Variants in UNC5D observed in about 807,000 individuals in gnomAD.
UNC5D encodes the protein netrin receptor UNC5D.
A neutral mutation model predicts 105.4 loss-of-function variants in UNC5D; 39 were observed. The ratio of observed to expected loss-of-function variants is 0.37; its 90% CI spans 0.29 to 0.48. The LOEUF (loss-of-function observed/expected upper bound fraction) is 0.48. UNC5D is among the 20% of genes least tolerant of loss of function. The probability of loss-of-function intolerance (pLI) is 0.98; values close to 1 mark genes in which losing one functional copy is unlikely to be tolerated. For synonymous variants in UNC5D, 452 were observed against 450.4 expected (o/e 1.00, Z -0.04); for missense variants, 991 against 1,202.4 (o/e 0.82, Z 2.60).
At chr8:35,579,987 G>A (rs1818367853) in intron 3 of UNC5D, among the ~76,000 whole-genome samples, 1 of 152,142 alleles carries the variant, frequency 6.6e-6, no homozygotes, top group African/African-American at 2.4e-5. Flanking sequence ...CAAATGTGAG[G>A]ATTCAGGAAC....
intron 1 of UNC5D, among the ~76,000 whole-genome samples, chr8:35,345,433 G>T (rs942711059): frequency 6.6e-6 from 1 of 152,008 alleles, no homozygotes; most frequent in East Asian, 1.9e-4. Flanking sequence ...GTCATATGGG[G>T]CATTTCTAGA....
At chr8:35,291,553 A>G (rs959257571) in intron 1 of UNC5D, among the ~76,000 whole-genome samples, 4 of 152,170 alleles carry the variant, frequency 2.6e-5, no homozygotes, top group Admixed American at 6.5e-5. Flanking sequence ...ACTGAGCTGG[A>G]AAACTGAAGA....
rs753926778 is a variant in UNC5D, at chr8:35,687,241, AG to A, written c.1084+533del. On this transcript the variant is annotated intron_variant, in intron 7 of 16. Transcript: ENST00000404895. ...GGCGGATCGCGAGGTCAGGAGATCG[AG>A]ACCATCCTGGCTAACAAGGTGAAAC... 8.5e-5 allele frequency among the ~76,000 whole-genome samples: 13 copies of A among 152,152 alleles called. No homozygotes were observed. In the East Asian group the frequency reaches 2.3e-3, roughly 27 times the overall value.
intron 11 of UNC5D, among the ~76,000 whole-genome samples, chr8:35,735,807 A>T (rs1238866879): frequency 6.6e-6 from 1 of 152,172 alleles, no homozygotes; most frequent in Non-Finnish European, 1.5e-5. Flanking sequence ...CAAAAACAAA[A>T]TCATACACAC....
At chr8:35,500,099 C>T (rs1047035422) in intron 1 of UNC5D, among the ~76,000 whole-genome samples, 1 of 152,132 alleles carries the variant, frequency 6.6e-6, no homozygotes, top group African/African-American at 2.4e-5. Context: ...TGACATTAAG[C>T]CATGTATTCT....
intron 16 of UNC5D, 39 bp from the exon 17 acceptor site, chr8:35,790,320 G>A: frequency 6.3e-7 from 1 of 1,585,990 alleles, no homozygotes; most frequent in Non-Finnish European, 8.7e-7. Context: ...TTATTTTCAT[G>A]TTTCGTTTTG....
At position 35,759,479 on chromosome 8, in the gene UNC5D, A is replaced by C. The variant is rs751218525; in HGVS notation, c.2313+10A>C. 3 of 1,606,264 alleles carry C rather than the reference A, an allele frequency of 1.9e-6. No individual in the cohort carries two copies. Among genetic ancestry groups the C allele is most frequent in the East Asian group, 4.5e-5 (2 of 44,796 alleles). On this transcript the variant is annotated intron_variant, in intron 14 of 16. Transcript: ENST00000404895. ...ATTCACTGCCTGCCAGGTACTGGCC[A>C]AATGGGTTTCTAACAGAAACGGCTT...
chr8:35,363,594 G>T (rs1585672056), intron 1 of UNC5D, among the ~76,000 whole-genome samples: 1 of 152,146 alleles, frequency 6.6e-6, no homozygotes, highest in East Asian at 1.9e-4. Flanking sequence ...TGATGTTGTG[G>T]CCTTCTCTGC....
chr8:35,434,949 G>A (rs1806908836), intron 1 of UNC5D, among the ~76,000 whole-genome samples: 1 of 152,036 alleles, frequency 6.6e-6, no homozygotes, highest in African/African-American at 2.4e-5. Context: ...TCGTGTGTGT[G>A]TATCTGTGTG....
At chr8:35,440,753 T>C (rs1807342222) in intron 1 of UNC5D, among the ~76,000 whole-genome samples, 1 of 152,012 alleles carries the variant, frequency 6.6e-6, no homozygotes, top group Admixed American at 6.6e-5. Context: ...TTATCTTCCC[T>C]AGACAACTCT....
intron 16 of UNC5D, among the ~76,000 whole-genome samples, chr8:35,776,406 C>A (rs567544572): frequency 1.3e-5 from 2 of 152,134 alleles, no homozygotes; most frequent in Non-Finnish European, 2.9e-5. Flanking sequence ...ATTTTATTCT[C>A]CATTTATAGT....
intron 1 of UNC5D, among the ~76,000 whole-genome samples, chr8:35,503,074 C>T (rs546184979): frequency 6.6e-6 from 1 of 152,168 alleles, no homozygotes; most frequent in South Asian, 2.1e-4. Context: ...GGATTCAAAA[C>T]CTGAATTTTT....
chr8:35,573,631 A>T (rs917319514), intron 3 of UNC5D, among the ~76,000 whole-genome samples: 1 of 152,182 alleles, frequency 6.6e-6, no homozygotes, highest in African/African-American at 2.4e-5. Flanking sequence ...AAAAAAGTTC[A>T]TGTACATTTG....
At position 35,791,695 on chromosome 8, in the gene UNC5D, G is replaced by C. The variant is rs950214481; in HGVS notation, c.*1132G>C. On this transcript the variant is annotated 3_prime_UTR_variant, in exon 17 of 17. Transcript: ENST00000404895. ...GCTCTAAATGATATCTGAGTAAATAGACTTGAGGAATCCTCTACCACAGTG... is the reference window on the plus strand; with the variant it reads ...GCTCTAAATGATATCTGAGTAAATACACTTGAGGAATCCTCTACCACAGTG... 6.6e-6 allele frequency: 1 copy of C among 152,108 alleles called. No homozygotes were observed. The highest frequency in any genetic ancestry group is 6.6e-5 in the Admixed American group (1 of 15,262). 9.4% of individuals were successfully genotyped at this position (152,108 alleles called of 1,614,324 possible).
At chr8:35,463,524 A>G (rs1809052869) in intron 1 of UNC5D, among the ~76,000 whole-genome samples, 1 of 152,028 alleles carries the variant, frequency 6.6e-6, no homozygotes, top group African/African-American at 2.4e-5. Flanking sequence ...CTAAAATGAT[A>G]AGACTTGCTT....
At chr8:35,690,814 C>A (rs1265235577) in intron 7 of UNC5D, among the ~76,000 whole-genome samples, 2 of 152,144 alleles carry the variant, frequency 1.3e-5, no homozygotes, top group African/African-American at 4.8e-5. Flanking sequence ...TTGGCAACAG[C>A]TTTATGGAGC....
intron 4 of UNC5D, among the ~76,000 whole-genome samples, chr8:35,626,457 G>A (rs1215458343): frequency 1.3e-5 from 2 of 152,128 alleles, no homozygotes; most frequent in African/African-American, 4.8e-5. Flanking sequence ...TGAGATTATA[G>A]TGCTTGGTAA....
chr8:35,433,872 GA>G (rs1249428800), intron 1 of UNC5D, among the ~76,000 whole-genome samples: 1 of 149,272 alleles, frequency 6.7e-6, no homozygotes. Flanking sequence ...GAAAGAAAAA[GA>G]AAAAAAAGAA....
intron 11 of UNC5D, among the ~76,000 whole-genome samples, chr8:35,737,490 G>GAA (rs377113440): frequency 6.8e-6 from 1 of 146,510 alleles, no homozygotes; most frequent in Non-Finnish European, 1.5e-5. Context: ...AAAAGGGTAG[G>GAA]AAAAAAAAAA....
Sources: gnomAD v4.1 joint callset for allele counts (sites outside exome capture counted in the v4.1 genomes callset) on GRCh38, gnomAD v4.1.1 for gene constraint, MANE v1.5 for transcripts, NCBI Gene and HGNC (gene_info 2026-07-23, HGNC 2026-07-21) for gene names.